The following ATF7IP variants were observed in gnomAD, a reference collection of about 807,000 sequenced individuals.
The protein encoded by ATF7IP is activating transcription factor 7 interacting protein.
A neutral mutation model predicts 106.4 loss-of-function variants in ATF7IP; 23 were observed. The ratio of observed to expected loss-of-function variants is 0.22; its 90% CI spans 0.16 to 0.31. ATF7IP has a LOEUF of 0.31. ATF7IP is among the 10% of genes least tolerant of loss of function. The probability of loss-of-function intolerance (pLI) is 1.00; values close to 1 mark genes in which losing one functional copy is unlikely to be tolerated. For synonymous variants in ATF7IP, 542 were observed against 539.0 expected (o/e 1.01, Z -0.08); for missense variants, 1,334 against 1,524.3 (o/e 0.88, Z 2.08).
intron 5 of ATF7IP, among the ~76,000 whole-genome samples, chr12:14,438,600 C>T (rs917687710): frequency 1.5e-4 from 23 of 152,108 alleles, no homozygotes; most frequent in Non-Finnish European, 8.8e-5. Context: ...AGTTCTTTGG[C>T]ATTGTAGAAA....
At chr12:14,494,123 A>G (rs1446993499) in intron 13 of ATF7IP, among the ~76,000 whole-genome samples, 1 of 151,182 alleles carries the variant, frequency 6.6e-6, no homozygotes, top group Non-Finnish European at 1.5e-5. Flanking sequence ...TACTATTAGA[A>G]TTAGAGTTTT....
intron 2 of ATF7IP, among the ~76,000 whole-genome samples, chr12:14,426,984 A>G (rs1262575424): frequency 1.3e-5 from 2 of 152,144 alleles, no homozygotes; most frequent in African/African-American, 4.8e-5. Flanking sequence ...ATAGGCCATT[A>G]AATACAAGAC....
chr12:14,414,240 A>G (rs984792983), intron 1 of ATF7IP, among the ~76,000 whole-genome samples: 5 of 152,206 alleles, frequency 3.3e-5, no homozygotes, highest in African/African-American at 4.8e-5. Context: ...ACCTTTTGCC[A>G]TGTGACATGA....
intron 13 of ATF7IP, among the ~76,000 whole-genome samples, chr12:14,486,375 TCTC>T (rs1944612376): frequency 6.6e-6 from 1 of 152,100 alleles, no homozygotes; most frequent in Admixed American, 6.5e-5. Context: ...AGGCCAGAGA[TCTC>T]CTTGGGGAAG....
At chr12:14,486,321 G>A (rs1815428005) in intron 13 of ATF7IP, among the ~76,000 whole-genome samples, 1 of 152,188 alleles carries the variant, frequency 6.6e-6, no homozygotes, top group Non-Finnish European at 1.5e-5. Context: ...TCCCTGAAAT[G>A]TCTGGTCATT....
At chr12:14,486,639 A>G (rs144891779) in intron 13 of ATF7IP, among the ~76,000 whole-genome samples, 16 of 152,324 alleles carry the variant, frequency 1.1e-4, no homozygotes, top group African/African-American at 2.9e-4. Context: ...CTCTAGGAAC[A>G]CTGTGATTAA....
chr12:14,430,614 A>AT (rs1942070024), intron 2 of ATF7IP, among the ~76,000 whole-genome samples: 1 of 152,048 alleles, frequency 6.6e-6, no homozygotes, highest in African/African-American at 2.4e-5. Context: ...ATAGTTCCTT[A>AT]TCTGTGAATT....
intron 2 of ATF7IP, among the ~76,000 whole-genome samples, chr12:14,432,544 G>A (rs1418007386): frequency 6.6e-6 from 1 of 152,156 alleles, no homozygotes; most frequent in African/African-American, 2.4e-5. Flanking sequence ...AATAGTTTTA[G>A]TAATTCTGTG....
At chr12:14,420,749 C>G (rs780117625) in intron 1 of ATF7IP, among the ~76,000 whole-genome samples, 1 of 152,160 alleles carries the variant, frequency 6.6e-6, no homozygotes, top group Non-Finnish European at 1.5e-5. Flanking sequence ...GGTTTTATGT[C>G]CAACCAGAGA....
chr12:14,492,586 T>C (rs1264642435), intron 13 of ATF7IP, among the ~76,000 whole-genome samples: 2 of 152,210 alleles, frequency 1.3e-5, no homozygotes, highest in African/African-American at 4.8e-5. Flanking sequence ...AGAAGCTTTC[T>C]GGTTGTATAA....
intron 2 of ATF7IP, among the ~76,000 whole-genome samples, chr12:14,426,343 C>A (rs1941845209): frequency 6.6e-6 from 1 of 151,936 alleles, no homozygotes; most frequent in Non-Finnish European, 1.5e-5. Context: ...CCTTTCTTTT[C>A]CCATTATATC....
intron 8 of ATF7IP, among the ~76,000 whole-genome samples, chr12:14,458,768 A>G (rs1943534384): frequency 1.3e-5 from 2 of 151,964 alleles, no homozygotes; most frequent in African/African-American, 2.4e-5. Flanking sequence ...GGCTGCTGTG[A>G]GCCAAGATTG....
At position 14,437,823 on chromosome 12, in the gene ATF7IP, G is replaced by A. The variant is rs551129696; in HGVS notation, c.1792-307G>A. On this transcript the variant is annotated intron_variant, in intron 4 of 14. Coordinates refer to ENST00000261168, the MANE Select transcript of ATF7IP (RefSeq NM_018179.5). Reference sequence around the variant, plus strand: ...AATCCCAGCACTTTGGGAGGCCGAGGCGGGCGGATCACGAGGTCAGGAGAT... The same window carrying A: ...AATCCCAGCACTTTGGGAGGCCGAGACGGGCGGATCACGAGGTCAGGAGAT... Among the ~76,000 whole-genome samples, 156 of 152,248 alleles carry A rather than the reference G, an allele frequency of 1.0e-3. 2 individuals carry two copies. The highest frequency in any genetic ancestry group is 3.4e-3 in the Middle Eastern group (1 of 294).
At chr12:14,496,195 A>C in intron 13 of ATF7IP, 36 bp from the exon 14 acceptor site, 1 of 1,300,182 alleles carries the variant, frequency 7.7e-7, no homozygotes, top group Non-Finnish European at 1.1e-6. Context: ...CAATAGAATT[A>C]TCATTTTATC....
At chr12:14,414,583 A>G (rs78284774) in intron 1 of ATF7IP, among the ~76,000 whole-genome samples, 3 of 152,228 alleles carry the variant, frequency 2.0e-5, no homozygotes, top group Non-Finnish European at 4.4e-5. Flanking sequence ...AAGCTATTGT[A>G]TACTGTATAT....
chr12:14,396,115 G>A (rs1591785792), intron 1 of ATF7IP, among the ~76,000 whole-genome samples: 1 of 152,288 alleles, frequency 6.6e-6, no homozygotes, highest in East Asian at 1.9e-4. Flanking sequence ...TTTTTGGAGG[G>A]TGGGTGAAGA....
chr12:14,465,695 T>TTA (rs1476867731), intron 9 of ATF7IP, among the ~76,000 whole-genome samples: 6 of 152,222 alleles, frequency 3.9e-5, no homozygotes, highest in African/African-American at 9.6e-5. Flanking sequence ...ACATACAGAC[T>TTA]TATATATATA....
chr12:14,465,575 AG>A (rs1943800524), intron 9 of ATF7IP, among the ~76,000 whole-genome samples: 2 of 151,844 alleles, frequency 1.3e-5, no homozygotes, highest in Non-Finnish European at 2.9e-5. Flanking sequence ...TCTTACAAAA[AG>A]AAGGTAATTC....
At chr12:14,452,907 C>G (rs547119901) in intron 6 of ATF7IP, among the ~76,000 whole-genome samples, 3 of 152,134 alleles carry the variant, frequency 2.0e-5, no homozygotes, top group Non-Finnish European at 4.4e-5. Flanking sequence ...GATGAAACTC[C>G]TTCAGCTTTT....
Sources: gnomAD v4.1 joint callset for allele counts (sites outside exome capture counted in the v4.1 genomes callset) on GRCh38, gnomAD v4.1.1 for gene constraint, MANE v1.5 for transcripts, NCBI Gene and HGNC (gene_info 2026-07-23, HGNC 2026-07-21) for gene names.